MKI67: variants seen among roughly 807,000 people sequenced by gnomAD.
MKI67 encodes proliferation marker protein Ki-67.
In MKI67, 152 loss-of-function variants were observed where a neutral mutation model predicts 233.5. That is an observed-to-expected ratio of 0.65 (90% confidence interval 0.57 to 0.74). The LOEUF is 0.74. Ranked by LOEUF, MKI67 falls within the 30% of genes least tolerant of loss-of-function variation. The pLI is 0.00. For missense variants in MKI67, 3,940 were observed against 3,885.2 expected, an observed-to-expected ratio of 1.01 and a Z score of -0.37; for synonymous variants, 1,465 against 1,418.5, an observed-to-expected ratio of 1.03 and a Z score of -0.74.
Position 128,103,177 on chromosome 10 carries a change from G to A in MKI67, c.8663C>T (p.Pro2888Leu), listed in dbSNP as rs1201248012. ...TTCTGCGTCCAGCTTCCGCTTTGCA[G>A]GTTGCTTAAATGCTTTCGTGCCTTT... Reference protein sequence around the residue: ...EGKGTKAFKQPAKRKLDAEDV... With the variant: ...EGKGTKAFKQLAKRKLDAEDV... The change falls in exon 13 of 15, where the codon CCT (proline) becomes CTT (leucine). Residue 2888 changes from proline to leucine, a missense_variant. Transcript: ENST00000368654. 3.4e-5 allele frequency: 55 copies of A among 1,614,026 alleles called. No individual in the cohort carries two copies. Among genetic ancestry groups the A allele is most frequent in the Non-Finnish European group, 4.7e-5 (55 of 1,180,006 alleles).
In MKI67 at chr10:128,115,907, G is replaced by A. The variant is rs140179612; in HGVS notation, c.501C>T (p.Thr167=). The A allele has an allele frequency of 2.3e-5, 37 of 1,610,436 alleles. No homozygotes were observed. Among genetic ancestry groups the A allele is most frequent in the Non-Finnish European group, 2.7e-5 (32 of 1,179,994 alleles). ...VHIKNVKEDS[T]ADDSKDSVAQ... is the part of the protein sequence containing the mutation. ...CAACACTGTCTTTTGAGTCATCTGC[G>A]GTACTGTCTTCTTTGACATTCTTGA... The change falls in exon 7 of 15, where the codon ACC becomes ACT. Residue 167 remains threonine (T), a synonymous_variant. Coordinates refer to ENST00000368654, the MANE Select transcript of MKI67 (RefSeq NM_002417.5).
chr10:128,125,454 G>T lies in MKI67; in HGVS notation c.92+122C>A. 1 of 770,206 alleles carries T rather than the reference G, an allele frequency of 1.3e-6. No individual in the cohort carries two copies. The allele number at this position is 770,206 out of a possible 1,614,324, so 47.7% of individuals were successfully genotyped here. A position where few individuals can be genotyped will look rare whatever the true frequency, so the allele number is the denominator to read the frequency against. ...TATGTCAACTTAGTAACGAATGGGAGAAGCACCAAGGAAAAGTGACGGCAG... is the reference window on the plus strand; with the variant it reads ...TATGTCAACTTAGTAACGAATGGGATAAGCACCAAGGAAAAGTGACGGCAG... On this transcript the variant is annotated intron_variant, in intron 2 of 14. Transcript: ENST00000368654. This position sits in a 1 kb window ranked among gnomAD's most constrained non-coding sequence, Gnocchi z 5.3.
chr10:128,109,476 C>T (rs1197908174), intron 12 of MKI67, 53 bp from the exon 13 acceptor site: 3 of 1,550,468 alleles, frequency 1.9e-6, no homozygotes, highest in Non-Finnish European at 2.6e-6. Context: ...TCATGTCAAT[C>T]GAGTATTACA....
At chr10:128,117,459 C>A (rs1852832781) in intron 5 of MKI67, among the ~76,000 whole-genome samples, 1 of 152,228 alleles carries the variant, frequency 6.6e-6, no homozygotes, top group Non-Finnish European at 1.5e-5. Context: ...CCAGAGACAG[C>A]GCCCTAACTT....
At chr10:128,119,404 T>C (rs548214520) in intron 4 of MKI67, 85 bp from the exon 5 acceptor site, 105 of 892,940 alleles carry the variant, frequency 1.2e-4, no homozygotes, top group South Asian at 3.7e-4. Context: ...TGTCCAAGGA[T>C]CAACGAACAA....
rs969491005 is a variant in MKI67 at position 128,125,505 on chromosome 10, G to T, written c.92+71C>A. On this transcript the variant is annotated intron_variant, in intron 2 of 14. Coordinates refer to ENST00000368654, the MANE Select transcript of MKI67 (RefSeq NM_002417.5). This position sits in a 1 kb window ranked among gnomAD's most constrained non-coding sequence, Gnocchi z 5.3. ...GACCCAATCCTAGAGCGCGTTTCTG[G>T]ACTTTATTCTGTGACTAAGGTATTT... 3 of 1,283,276 alleles carry T rather than the reference G, an allele frequency of 2.3e-6. No homozygotes were observed. The highest frequency in any genetic ancestry group is 3.4e-6 in the Non-Finnish European group (3 of 884,594). 79.5% of individuals were successfully genotyped at this position (1,283,276 alleles called of 1,614,324 possible). A position where few individuals can be genotyped will look rare whatever the true frequency, so the allele number is the denominator to read the frequency against.
intron 6 of MKI67, 122 bp from the exon 7 acceptor site, chr10:128,116,129 C>A: frequency 8.6e-7 from 1 of 1,157,440 alleles, no homozygotes; most frequent in African/African-American, 1.5e-5. Context: ...ACTTGGCCTA[C>A]AAATTATTTA....
intron 9 of MKI67, 37 bp downstream of exon 9, chr10:128,112,096 A>G: frequency 6.2e-7 from 1 of 1,606,284 alleles, no homozygotes; most frequent in Non-Finnish European, 8.5e-7. Flanking sequence ...TCATGAAAAA[A>G]TTCACCTTAA....
rs1241215160 is a variant in MKI67, at chr10:128,105,594, G to T, written c.6246C>A (p.Leu2082=). 6.2e-7 allele frequency: 1 copy of T among 1,614,166 alleles called. No homozygotes were observed. Among genetic ancestry groups the T allele is most frequent in the African/African-American group, 1.3e-5 (1 of 75,036 alleles). The change falls in exon 13 of 15, where the codon CTC becomes CTA. Residue 2082 remains leucine, a synonymous_variant. Coordinates refer to ENST00000368654, the MANE Select transcript of MKI67 (RefSeq NM_002417.5). ...SLEDLAGFKE[L]FQTPDHTEES... is the part of the protein sequence containing the mutation. ...CCTCAGTGTGGTCTGGTGTCTGGAA[G>T]AGCTCTTTGAAGCCGGCCAGGTCTT...
rs751056097 is a variant in MKI67, at chr10:128,101,278, A to T, written c.9685T>A (p.Cys3229Ser). The part of the protein sequence containing the change: ...VQRVTRSVKR[C>S]AENPKKAEDN... ...CTTACCTTCTTTGGATTTTCTGCAC[A>T]CCTCTTGACACTCCGCGTTACTCTC... The change falls in exon 14 of 15, where the codon TGT (cysteine) becomes AGT (serine). Residue 3229 changes from cysteine (C) to serine (S), a missense_variant. Coordinates refer to ENST00000368654, the MANE Select transcript of MKI67 (RefSeq NM_002417.5). The T allele has an allele frequency of 6.2e-7, 1 of 1,609,026 alleles. No homozygotes were observed. Among genetic ancestry groups the T allele is most frequent in the Non-Finnish European group, 8.5e-7 (1 of 1,176,226 alleles).
rs41306015 is a variant in MKI67, at chr10:128,108,163, C to A, written c.3677G>T (p.Gly1226Val). 0.087 allele frequency: 140,261 copies of A among 1,613,810 alleles called. 6,791 individuals carry two copies. The highest frequency in any genetic ancestry group is 0.1 in the Non-Finnish European group (118,280 of 1,179,948). The change falls in exon 13 of 15, where the codon GGC (glycine) becomes GTC (valine). Residue 1226 changes from glycine to valine, a missense_variant. Coordinates refer to ENST00000368654, the MANE Select transcript of MKI67 (RefSeq NM_002417.5). ...EKAQALEDLA[G>V]FKELFQTPGH... The stretch of plus-strand genomic sequence containing the variant: ...AGGAGTCTGGAAGAGCTCTTTAAAG[C>A]CAGCCAGGTCTTCTAGAGCCTGGGC...
At chr10:128,118,664 A>G (rs1852859000) in intron 5 of MKI67, among the ~76,000 whole-genome samples, 1 of 152,216 alleles carries the variant, frequency 6.6e-6, no homozygotes, top group Non-Finnish European at 1.5e-5. Context: ...TGATATACTC[A>G]AACTATCTAA....
Position 128,102,918 on chromosome 10 carries a change from C to T in MKI67, c.8922G>A (p.Val2974=). 12 of 1,614,182 alleles carry T rather than the reference C, an allele frequency of 7.4e-6. No homozygotes were observed. Among genetic ancestry groups the T allele is most frequent in the Admixed American group, 1.7e-5 (1 of 60,032 alleles). ...ATTTTACAGGGTCTCTGGTGCTTAC[C>T]ACGTCTCCCACGGGTTCTACTTTAG... The part of the protein sequence containing the change: ...RAPKVEPVGD[V]VSTRDPVKSQ... Residue 2974 remains valine (V), a synonymous_variant, in exon 13 of 15, where the codon GTG becomes GTA. Coordinates refer to ENST00000368654, the MANE Select transcript of MKI67 (RefSeq NM_002417.5).
rs763341497 is a variant in MKI67, at chr10:128,107,552, T to G, written c.4288A>C (p.Ser1430Arg). The change falls in exon 13 of 15, where the codon AGC (serine) becomes CGC (arginine). Residue 1430 changes from serine to arginine, a missense_variant. Physicochemically the swap from Ser to Arg is moderately radical, Grantham distance 110. Transcript: ENST00000368654. ...TDKVPGGEDK[S>R]INAFRETAKQ... ...GCAGTTTCCCTAAACGCGTTGATGC[T>G]TTTATCCTCACCTCCTGGTACTTTA... The G allele has an allele frequency of 1.2e-5, 19 of 1,614,012 alleles. No homozygotes were observed. In the South Asian group the frequency reaches 2.1e-4, roughly 18 times the overall value.
rs1352830964 is a variant in MKI67, at chr10:128,112,150, G to A, written c.1952C>T (p.Ser651Leu). 13 of 1,613,456 alleles carry A rather than the reference G, an allele frequency of 8.1e-6. No homozygotes were observed. Among genetic ancestry groups the A allele is most frequent in the African/African-American group, 2.7e-5 (2 of 74,870 alleles). The change falls in exon 9 of 15, where the codon TCG becomes TTG. Residue 651 changes from serine to leucine, a missense_variant. Transcript: ENST00000368654. ...MICSKRRSGA[S>L]EANLIVAKSW... The stretch of plus-strand genomic sequence containing the variant: ...AGACTAACCAATCAGATTTGCTTCC[G>A]AAGCACCACTTCTTCTTTTGGAACA...
rs750717044 is a variant in MKI67 at position 128,115,984 on chromosome 10, C to G, written c.424G>C (p.Ala142Pro). The change falls in exon 7 of 15, where the codon GCC becomes CCC. Residue 142 changes from alanine to proline, a missense_variant. Physicochemically the swap from Ala to Pro is conservative, Grantham distance 27 (BLOSUM62 -1). Transcript: ENST00000368654. Reference sequence around the variant, plus strand: ...TTTCCTTCAGTGATTTTTGAATAGGCCTTGGAATCTTGAGCTTTCTCATCT... The same window carrying G: ...TTTCCTTCAGTGATTTTTGAATAGGGCTTGGAATCTTGAGCTTTCTCATCT... Reference protein sequence around the residue: ...DPDEKAQDSKAYSKITEGKVS... With the variant: ...DPDEKAQDSKPYSKITEGKVS... 3 of 1,591,032 alleles carry G rather than the reference C, an allele frequency of 1.9e-6. No individual in the cohort carries two copies. Among genetic ancestry groups the G allele is most frequent in the South Asian group, 2.3e-5 (2 of 87,044 alleles).
Position 128,108,212 on chromosome 10 carries a change from G to C in MKI67, c.3628C>G (p.Gln1210Glu). ...GCCTTTTCCTTAGGAGTCTGTAGCT[G>C]TCTTTTGCTGCCAGGTAAAGTTCCT... ...LAGTLPGSKR[Q>E]LQTPKEKAQA... Residue 1210 changes from glutamine to glutamate, a missense_variant, in exon 13 of 15, where the codon CAG becomes GAG. Physicochemically the swap from Gln to Glu is conservative, Grantham distance 29. Coordinates refer to ENST00000368654, the MANE Select transcript of MKI67 (RefSeq NM_002417.5). 1 of 1,612,154 alleles carries C rather than the reference G, an allele frequency of 6.2e-7. No individual in the cohort carries two copies. The highest frequency in any genetic ancestry group is 2.2e-5 in the East Asian group (1 of 44,654).
Position 128,112,327 on chromosome 10 carries a change from C to T in MKI67, c.1775G>A (p.Ser592Asn). ...APSPRKTPVASDQRRRSCKTA... is the reference protein window; with the variant it reads ...APSPRKTPVANDQRRRSCKTA... Reference sequence around the variant, plus strand: ...TTTGCAGGACCTACGGCGTTGATCACTGGCAACTGGAGTTTTCCTAGGACT... The same window carrying T: ...TTTGCAGGACCTACGGCGTTGATCATTGGCAACTGGAGTTTTCCTAGGACT... Residue 592 changes from serine (S) to asparagine (N), a missense_variant, in exon 9 of 15, where the codon AGT becomes AAT. Transcript: ENST00000368654. The T allele has an allele frequency of 6.2e-7, 1 of 1,614,224 alleles. No individual in the cohort carries two copies. Among genetic ancestry groups the T allele is most frequent in the Non-Finnish European group, 8.5e-7 (1 of 1,180,044 alleles).
rs1590322472 is a variant in MKI67 at position 128,125,919 on chromosome 10, G to T, written c.-89-163C>A. Among the ~76,000 whole-genome samples the T allele has an allele frequency of 6.6e-6, 1 of 152,112 alleles. No homozygotes were observed. The highest frequency in any genetic ancestry group is 1.5e-5 in the Non-Finnish European group (1 of 67,956). On this transcript the variant is annotated intron_variant, in intron 1 of 14. Transcript: ENST00000368654. This position sits in a 1 kb window ranked among gnomAD's most constrained non-coding sequence, Gnocchi z 5.3. Reference sequence around the variant, plus strand: ...GGCGCCCCAAAGTCCGGCAGCTGGGGTGTTGTCGCCAGCGCCTGCGCCTCC... The same window carrying T: ...GGCGCCCCAAAGTCCGGCAGCTGGGTTGTTGTCGCCAGCGCCTGCGCCTCC...
Sources: allele counts gnomAD v4.1 joint callset (sites outside exome capture counted in the v4.1 genomes callset), GRCh38; gene constraint gnomAD v4.1.1; non-coding constraint Gnocchi (gnomAD v3.1); transcripts MANE v1.5; gene names NCBI Gene and HGNC (gene_info 2026-07-23, HGNC 2026-07-21).